Variants in TTC38 observed in about 807,000 individuals in gnomAD.
TTC38 encodes tetratricopeptide repeat protein 38.
In TTC38, 64 loss-of-function variants were observed where a neutral mutation model predicts 64.2. The observed-to-expected ratio is 1.00, with a 90% CI of 0.81 to 1.23. The LOEUF (loss-of-function observed/expected upper bound fraction) is 1.23, where lower values mean the gene tolerates loss of function less well. TTC38 is among the 50% of genes most tolerant of loss of function. The pLI, the probability that TTC38 is intolerant of heterozygous loss-of-function variation, is 0.00. For missense variants in TTC38, 573 were observed against 615.5 expected (o/e 0.93, Z 0.73); for synonymous variants, 254 against 249.3 (o/e 1.02, Z -0.18).
In TTC38 at chr22:46,271,172, A is replaced by T. The variant is rs1268147448; in HGVS notation, c.112-1163A>T. ...CGTGACCAACTTCAGGGCTCCTCTT[A>T]GGGCAGAAGAAGCCGATGTGGAGCA... On this transcript the variant is annotated intron_variant, in intron 2 of 13. Coordinates refer to ENST00000381031, the MANE Select transcript of TTC38 (RefSeq NM_017931.4). The surrounding 1 kb of genome is among the most constrained non-coding windows in gnomAD (Gnocchi z 5.5). Among the ~76,000 whole-genome samples, 1 of 152,224 alleles carries T rather than the reference A, an allele frequency of 6.6e-6. No individual in the cohort carries two copies. The highest frequency in any genetic ancestry group is 1.9e-4 in the East Asian group (1 of 5,196).
rs756439036 is a variant in TTC38, at chr22:46,289,440, A to G, written c.1121A>G (p.Asp374Gly). The change falls in exon 12 of 14, where the codon GAC becomes GGC. Residue 374 changes from aspartate to glycine, a missense_variant. Asp to Gly is a moderately conservative substitution (Grantham distance 94). Transcript: ENST00000381031. ...AACTGCCAGCACCTCCTGGCCCGAGACGTGGGGCTGCCCCTGTGCCAGGCC... is the reference window on the plus strand; with the variant it reads ...AACTGCCAGCACCTCCTGGCCCGAGGCGTGGGGCTGCCCCTGTGCCAGGCC... ...GENCQHLLAR[D>G]VGLPLCQALV... is the part of the protein sequence containing the mutation. 2 of 1,609,314 alleles carry G rather than the reference A, an allele frequency of 1.2e-6. No individual in the cohort carries two copies. Among genetic ancestry groups the G allele is most frequent in the African/African-American group, 1.3e-5 (1 of 74,998 alleles).
rs1350565107 is a variant in TTC38, at chr22:46,270,072, G to A, written c.111+1481G>A. 2.0e-5 allele frequency among the ~76,000 whole-genome samples: 3 copies of A among 152,246 alleles called. No individual in the cohort carries two copies. The highest frequency in any genetic ancestry group is 1.9e-4 in the East Asian group (1 of 5,174). On this transcript the variant is annotated intron_variant, in intron 2 of 13. Transcript: ENST00000381031. This position sits in a 1 kb window ranked among gnomAD's most constrained non-coding sequence, Gnocchi z 4.7. ...CTCTCAAAGTGCTGGGATTACAGGC[G>A]TGAGCCACTGTGCCCGGCCCCTAGT... is the stretch of plus-strand genomic sequence containing the variant.
In TTC38 at chr22:46,276,715, T is replaced by A. The variant is rs1022222306; in HGVS notation, c.539+1294T>A. On this transcript the variant is annotated intron_variant, in intron 5 of 13. Coordinates refer to ENST00000381031, the MANE Select transcript of TTC38 (RefSeq NM_017931.4). This position sits in a 1 kb window ranked among gnomAD's most constrained non-coding sequence, Gnocchi z 4.7. ...TCTGTATCTAAAAGAATATATATAT[T>A]AAAAATATATATATTAAAAAAATAT... 2.1e-5 allele frequency among the ~76,000 whole-genome samples: 3 copies of A among 142,610 alleles called. No individual in the cohort carries two copies. Among genetic ancestry groups the A allele is most frequent in the African/African-American group, 7.8e-5 (3 of 38,458 alleles). 93.6% of individuals were successfully genotyped at this position (142,610 alleles called of 152,430 possible).
intron 2 of TTC38, chr22:46,269,036 C>A: frequency 2.7e-6 from 1 of 367,694 alleles, no homozygotes; most frequent in Non-Finnish European, 5.6e-6. Flanking sequence ...TAGATGGCAG[C>A]ACATCTGTGC....
intron 2 of TTC38, chr22:46,269,189 T>C (rs1477379595): frequency 2.6e-6 from 1 of 380,314 alleles, no homozygotes; most frequent in Non-Finnish European, 5.4e-6. Context: ...GGGATGTTTT[T>C]TGAGGATGCT....
In TTC38 at chr22:46,273,981, G is replaced by A. The variant is rs780526524; in HGVS notation, c.277G>A (p.Val93Met). Reference sequence around the variant, plus strand: ...GCTGGACAAAGAGCTGGACCTGGCTGTGAAGACAATGGTGGAGATTTCAAG... The same window carrying A: ...GCTGGACAAAGAGCTGGACCTGGCTATGAAGACAATGGTGGAGATTTCAAG... ...VKLDKELDLAVKTMVEISRTQ... is the reference protein window; with the variant it reads ...VKLDKELDLAMKTMVEISRTQ... Residue 93 changes from valine (V) to methionine (M), a missense_variant, in exon 4 of 14, where the codon GTG becomes ATG. Physicochemically the swap from Val to Met is conservative, Grantham distance 21. This residue lies in a region of TTC38 where 134 missense variants were observed against 126.5 expected (regional missense o/e 1.06). Transcript: ENST00000381031. This position sits in a 1 kb window ranked among gnomAD's most constrained non-coding sequence, Gnocchi z 5.1. 1.1e-5 allele frequency: 18 copies of A among 1,614,130 alleles called. No homozygotes were observed. Among genetic ancestry groups the A allele is most frequent in the Non-Finnish European group, 1.4e-5 (16 of 1,180,044 alleles).
intron 2 of TTC38, among the ~76,000 whole-genome samples, chr22:46,269,977 A>G (rs543022486): frequency 1.3e-5 from 2 of 152,268 alleles, no homozygotes; most frequent in African/African-American, 2.4e-5. Flanking sequence ...TATCTTTAGT[A>G]GAGACGGGGT....
At chr22:46,289,032 T>C (rs1345352481) in intron 11 of TTC38, among the ~76,000 whole-genome samples, 1 of 152,240 alleles carries the variant, frequency 6.6e-6, no homozygotes, top group East Asian at 1.9e-4. Flanking sequence ...CTGGAGGACC[T>C]GGGCTGCCCT....
rs555427294 is a variant in TTC38, at chr22:46,292,807, C to G, written c.1333C>G (p.Arg445Gly). The change falls in exon 14 of 14, where the codon CGT (arginine) becomes GGT (glycine). Residue 445 changes from arginine to glycine, a missense_variant. By Grantham distance (125) the Arg-to-Gly change is moderately radical (BLOSUM62 -2). This residue lies in a region of TTC38 where 371 missense variants were observed against 381.8 expected (regional missense o/e 0.97). Coordinates refer to ENST00000381031, the MANE Select transcript of TTC38 (RefSeq NM_017931.4). The surrounding 1 kb of genome is among the most constrained non-coding windows in gnomAD (Gnocchi z 6.5). The part of the protein sequence containing the change: ...KNVARSLLME[R>G]DALKPNSPLT... ...TTTCCACAGGAGCCTTCTGATGGAG[C>G]GTGATGCCTTGAAGCCCAACTCGCC... 3.0e-5 allele frequency: 49 copies of G among 1,613,788 alleles called. No homozygotes were observed. Among genetic ancestry groups the G allele is most frequent in the South Asian group, 2.0e-4 (18 of 91,084 alleles).
At chr22:46,288,981 T>C (rs1333326513) in intron 11 of TTC38, among the ~76,000 whole-genome samples, 1 of 152,216 alleles carries the variant, frequency 6.6e-6, no homozygotes, top group African/African-American at 2.4e-5. Flanking sequence ...TTTCCCCATC[T>C]AAATCAGGGC....
In TTC38 at chr22:46,287,159, C is replaced by T. The variant is rs1329957614; in HGVS notation, c.916+5C>T. 1.9e-6 allele frequency: 3 copies of T among 1,598,618 alleles called. No individual in the cohort carries two copies. Among genetic ancestry groups the T allele is most frequent in the Non-Finnish European group, 1.7e-6 (2 of 1,171,576 alleles). On this transcript the variant is annotated splice_donor_5th_base_variant and intron_variant, in intron 10 of 13. Transcript: ENST00000381031. ...TCTACCGCCTGCAGATGGAAGGTAG[C>T]CATCCCTGCAGCCCCACTGGCTTCT...
Position 46,272,345 on chromosome 22 carries a change from G to C in TTC38, c.122G>C (p.Trp41Ser). 6.2e-7 allele frequency: 1 copy of C among 1,613,680 alleles called. No individual in the cohort carries two copies. The highest frequency in any genetic ancestry group is 8.5e-7 in the Non-Finnish European group (1 of 1,179,806). ...FDATLTQYVK[W>S]TNDKSLGGIE... ...CTTTTCCCATTTCAGTATGTAAAAT[G>C]GACCAATGACAAGAGTCTCGGTGGC... Residue 41 changes from tryptophan to serine, a missense_variant, in exon 3 of 14, where the codon TGG becomes TCG. Physicochemically the swap from Trp to Ser is radical, Grantham distance 177 (BLOSUM62 -3). This residue lies in a region of TTC38 where 134 missense variants were observed against 126.5 expected (regional missense o/e 1.06). Transcript: ENST00000381031. This position sits in a 1 kb window ranked among gnomAD's most constrained non-coding sequence, Gnocchi z 6.4.
In TTC38 at chr22:46,288,444, G is replaced by A. The variant is rs763990471; in HGVS notation, c.938G>A (p.Trp313Ter). ...TCAGGAGTGTCTGTGGGCCAGCGGT[G>A]GCAGGATGTCCTGCCTGTGGCCCGG... ...QMEGVSVGQRWQDVLPVARKH... is the reference protein window; with the variant it reads ...QMEGVSVGQR Residue 313 changes from tryptophan (W) to a stop codon, truncating the protein, a stop_gained, in exon 11 of 14, where the codon TGG becomes TAG. Transcript: ENST00000381031. LOFTEE classifies it high-confidence loss of function. The A allele has an allele frequency of 3.4e-5, 55 of 1,613,826 alleles. No individual in the cohort carries two copies. The East Asian group carries it at 1.2e-3, about 34-fold the overall frequency.
chr22:46,286,951 C>G (rs1235309903), intron 9 of TTC38, 122 bp from the exon 10 acceptor site: 5 of 678,282 alleles, frequency 7.4e-6, no homozygotes, highest in Non-Finnish European at 1.3e-5. Flanking sequence ...GTGATGGGGA[C>G]AGTGGCAGAG....
Position 46,274,179 on chromosome 22 carries a change from T to G in TTC38, c.365+110T>G. 1.1e-6 allele frequency: 1 copy of G among 926,090 alleles called. No homozygotes were observed. Among genetic ancestry groups the G allele is most frequent in the Non-Finnish European group, 1.6e-6 (1 of 612,130 alleles). The allele number at this position is 926,090 out of a possible 1,614,324, so 57.4% of individuals were successfully genotyped here. On this transcript the variant is annotated intron_variant, in intron 4 of 13. Coordinates refer to ENST00000381031, the MANE Select transcript of TTC38 (RefSeq NM_017931.4). The surrounding 1 kb of genome is among the most constrained non-coding windows in gnomAD (Gnocchi z 4.8). ...GACGGGGGCGGGGTGGGAGAATGCT[T>G]CTCTCCCTGCCTCCTGAGATGCTCT...
intron 10 of TTC38, among the ~76,000 whole-genome samples, chr22:46,287,880 A>G (rs1389928435): frequency 6.6e-6 from 1 of 152,222 alleles, no homozygotes; most frequent in Non-Finnish European, 1.5e-5. Context: ...AGTTACTCTC[A>G]GAGAAAGCAG....
Position 46,291,175 on chromosome 22 carries a change from C to T in TTC38, c.1316+1276C>T, listed in dbSNP as rs1382143796. ...TTGGACGCATGCTCCCCGCTTTCCCCTTCCATGGCTGTAGACAAAACCATG... is the reference window on the plus strand; with the variant it reads ...TTGGACGCATGCTCCCCGCTTTCCCTTTCCATGGCTGTAGACAAAACCATG... On this transcript the variant is annotated intron_variant, in intron 13 of 13. Coordinates refer to ENST00000381031, the MANE Select transcript of TTC38 (RefSeq NM_017931.4). This position sits in a 1 kb window ranked among gnomAD's most constrained non-coding sequence, Gnocchi z 4.6. 1.3e-5 allele frequency among the ~76,000 whole-genome samples: 2 copies of T among 152,236 alleles called. No homozygotes were observed. The highest frequency in any genetic ancestry group is 3.8e-4 in the East Asian group (2 of 5,198).
chr22:46,284,178 A>G, intron 8 of TTC38, 146 bp downstream of exon 8: 1 of 674,868 alleles, frequency 1.5e-6, no homozygotes, highest in Non-Finnish European at 2.5e-6. Flanking sequence ...TCTAGGCTTC[A>G]ACCTTTTTAG....
rs1010430760 is a variant in TTC38, at chr22:46,292,272, C to T, written c.1317-519C>T. 4 of 432,140 alleles carry T rather than the reference C, an allele frequency of 9.3e-6. No individual in the cohort carries two copies. Among genetic ancestry groups the T allele is most frequent in the Admixed American group, 2.6e-5 (1 of 39,180 alleles). The allele number at this position is 432,140 out of a possible 1,614,324, so 26.8% of individuals were successfully genotyped here. On this transcript the variant is annotated intron_variant, in intron 13 of 13. Transcript: ENST00000381031. This position sits in a 1 kb window ranked among gnomAD's most constrained non-coding sequence, Gnocchi z 6.5. ...GATCACAGTTCACTGTAAACTCAAACTCCTGGGCTCAAGGAATCTTCCTGC... is the reference window on the plus strand; with the variant it reads ...GATCACAGTTCACTGTAAACTCAAATTCCTGGGCTCAAGGAATCTTCCTGC...
Sources: allele counts gnomAD v4.1 joint callset (sites outside exome capture counted in the v4.1 genomes callset), GRCh38; gene constraint gnomAD v4.1.1; regional missense constraint gnomAD v4.1.1; non-coding constraint Gnocchi (gnomAD v3.1); transcripts MANE v1.5; gene names NCBI Gene and HGNC (gene_info 2026-07-23, HGNC 2026-07-21).